The following PEMT variants were observed in gnomAD, a reference collection of about 807,000 sequenced individuals.
PEMT encodes the protein phosphatidylethanolamine N-methyltransferase, also known as phospholipid methyltransferase.
PEMT carries 23 observed loss-of-function variants against 27.4 expected under a neutral mutation model. That is an observed-to-expected ratio of 0.84 (90% confidence interval 0.60 to 1.19). The LOEUF (loss-of-function observed/expected upper bound fraction) is 1.19, where lower values mean the gene tolerates loss of function less well. Among genes scored for constraint, PEMT ranks in the 50% most tolerant of loss-of-function variants. PEMT has a pLI of 0.00. For missense variants in PEMT, 307 were observed against 310.1 expected (o/e 0.99, Z 0.07); for synonymous variants, 137 against 139.1 (o/e 0.98, Z 0.11).
rs768106458 is a variant in PEMT, at chr17:17,505,816, G to A, written c.686C>T (p.Ala229Val). 6.2e-7 allele frequency: 1 copy of A among 1,611,538 alleles called. No individual in the cohort carries two copies. ...PFTAEIYRQK[A>V]SGSHKRS ...TCAGCTCCTCTTGTGGGACCCGGAG[G>A]CTTTCTGCCGGTAGATCTCAGCGGT... is the stretch of plus-strand genomic sequence containing the variant. Residue 229 changes from alanine to valine, a missense_variant, in exon 7 of 7, where the codon GCC becomes GTC. By Grantham distance (64) the Ala-to-Val change is moderately conservative. Coordinates refer to ENST00000255389, the MANE Select transcript of PEMT (RefSeq NM_148172.3).
At chr17:17,535,844 A>AT (rs1277203135) in intron 2 of PEMT, among the ~76,000 whole-genome samples, 1 of 152,206 alleles carries the variant, frequency 6.6e-6, no homozygotes, top group African/African-American at 2.4e-5. Context: ...ATTTTTGAAA[A>AT]TAAAAAGTTA....
At chr17:17,581,810 G>A (rs556437368) in intron 1 of PEMT, among the ~76,000 whole-genome samples, 104 of 152,234 alleles carry the variant, frequency 6.8e-4, no homozygotes, top group South Asian at 3.3e-3. Flanking sequence ...TATGTTGCCC[G>A]GAGAAGCACC....
intron 2 of PEMT, 71 bp downstream of exon 2, chr17:17,576,849 G>A (rs1279836502): frequency 1.1e-5 from 14 of 1,254,610 alleles, no homozygotes; most frequent in Middle Eastern, 1.9e-4. Context: ...CAACCACCGC[G>A]ATCCCCTGCA....
intron 2 of PEMT, among the ~76,000 whole-genome samples, chr17:17,534,096 A>G (rs183124147): frequency 2.8e-4 from 43 of 152,264 alleles, no homozygotes; most frequent in Non-Finnish European, 5.3e-4. Context: ...CACTCCTAGT[A>G]TTTACTTAAG....
In PEMT at chr17:17,513,872, T is replaced by C. The variant is rs1373298074; in HGVS notation, c.321-1218A>G. On this transcript the variant is annotated intron_variant, in intron 3 of 6. Coordinates refer to ENST00000255389, the MANE Select transcript of PEMT (RefSeq NM_148172.3). The surrounding 1 kb of genome is among the most constrained non-coding windows in gnomAD (Gnocchi z 4.1). ...AAATGTGCTCTTCCCATGCTCACAA[T>C]AATCACAACACAGAAGAGACATGGA... Among the ~76,000 whole-genome samples, 2 of 152,078 alleles carry C rather than the reference T, an allele frequency of 1.3e-5. No individual in the cohort carries two copies. The highest frequency in any genetic ancestry group is 2.4e-5 in the African/African-American group (1 of 41,390).
intron 2 of PEMT, among the ~76,000 whole-genome samples, chr17:17,558,691 A>AAC (rs1555543040): frequency 7.9e-6 from 1 of 127,380 alleles, no homozygotes; most frequent in African/African-American, 2.6e-5. Flanking sequence ...CGAAAAAAAA[A>AAC]AAAAAAAACA....
intron 1 of PEMT, chr17:17,577,336 C>T: frequency 2.0e-6 from 1 of 510,662 alleles, no homozygotes. Context: ...TGACCGAGAC[C>T]CTCCTGGATG....
intron 2 of PEMT, among the ~76,000 whole-genome samples, chr17:17,528,020 A>G (rs978482311): frequency 1.2e-4 from 18 of 152,314 alleles, no homozygotes; most frequent in Middle Eastern, 3.4e-3. Flanking sequence ...GGGGGTCTAG[A>G]ATGCCCCAAG....
intron 2 of PEMT, among the ~76,000 whole-genome samples, chr17:17,554,669 G>A (rs1007094315): frequency 2.6e-5 from 4 of 152,244 alleles, no homozygotes; most frequent in African/African-American, 9.6e-5. Flanking sequence ...AGGCTGGAGT[G>A]TAGTGACAGG....
chr17:17,535,845 TA>T (rs1225724694), intron 2 of PEMT, among the ~76,000 whole-genome samples: 2 of 152,112 alleles, frequency 1.3e-5, no homozygotes, highest in Non-Finnish European at 2.9e-5. Context: ...TTTTTGAAAA[TA>T]AAAAGTTAGA....
At position 17,582,943 on chromosome 17, in the gene PEMT, T is replaced by C. The variant is rs549740215; in HGVS notation, c.97-5916A>G. ...TGGACATGGTGGTGCACGACTGTAGTCCCAGCTACTGGGGAGGCTGAGGCA... is the reference window on the plus strand; with the variant it reads ...TGGACATGGTGGTGCACGACTGTAGCCCCAGCTACTGGGGAGGCTGAGGCA... On this transcript the variant is annotated intron_variant, in intron 1 of 6. Coordinates refer to ENST00000255389, the MANE Select transcript of PEMT (RefSeq NM_148172.3). The surrounding 1 kb of genome is among the most constrained non-coding windows in gnomAD (Gnocchi z 4.9). 6.6e-6 allele frequency among the ~76,000 whole-genome samples: 1 copy of C among 151,928 alleles called. No homozygotes were observed. The highest frequency in any genetic ancestry group is 1.9e-4 in the East Asian group (1 of 5,166).
chr17:17,518,349 C>T (rs999766884), intron 3 of PEMT, among the ~76,000 whole-genome samples: 2 of 152,226 alleles, frequency 1.3e-5, no homozygotes, highest in Non-Finnish European at 2.9e-5. Context: ...AGCGGTCCAG[C>T]CAAAGCTGGC....
intron 2 of PEMT, among the ~76,000 whole-genome samples, chr17:17,556,404 C>T (rs1910057872): frequency 6.6e-6 from 1 of 151,378 alleles, no homozygotes; most frequent in Non-Finnish European, 1.5e-5. Context: ...GACGGAGTCT[C>T]GCTCTGTCGC....
rs74372144 is a variant in PEMT at position 17,561,874 on chromosome 17, A to G, written c.204+15046T>C. ...GTGCGGCCTGACCCACAGGAAGTCC[A>G]GTCATAATATTGACACAGGCAGGGC... On this transcript the variant is annotated intron_variant, in intron 2 of 6. Coordinates refer to ENST00000255389, the MANE Select transcript of PEMT (RefSeq NM_148172.3). This position sits in a 1 kb window ranked among gnomAD's most constrained non-coding sequence, Gnocchi z 4.5. 6.1e-3 allele frequency among the ~76,000 whole-genome samples: 923 copies of G among 152,348 alleles called. 12 individuals are homozygous for G. Among genetic ancestry groups the G allele is most frequent in the African/African-American group, 0.021 (885 of 41,594 alleles).
intron 3 of PEMT, among the ~76,000 whole-genome samples, chr17:17,515,291 A>G (rs1906737263): frequency 6.6e-6 from 1 of 152,210 alleles, no homozygotes; most frequent in Admixed American, 6.5e-5. Context: ...TTCAGGGCCC[A>G]GCTTCCCTGG....
chr17:17,528,173 C>T (rs923569267), intron 2 of PEMT, among the ~76,000 whole-genome samples: 1 of 152,224 alleles, frequency 6.6e-6, no homozygotes, highest in Admixed American at 6.5e-5. Flanking sequence ...CACAGAGGGG[C>T]TCATGAGCTC....
At chr17:17,505,903 C>G in intron 6 of PEMT, 55 bp from the exon 7 acceptor site, 2 of 1,559,456 alleles carry the variant, frequency 1.3e-6, no homozygotes, top group Non-Finnish European at 1.7e-6. Flanking sequence ...TGACCCACTG[C>G]CCGCACCAGA....
At chr17:17,583,783 C>T (rs1050668654) in intron 1 of PEMT, among the ~76,000 whole-genome samples, 15 of 152,344 alleles carry the variant, frequency 9.8e-5, no homozygotes, top group African/African-American at 3.6e-4. Context: ...AGGGACCCTC[C>T]TGGGAAGACC....
At chr17:17,507,191 G>C (rs865799623) in intron 5 of PEMT, 1 of 1,559,200 alleles carries the variant, frequency 6.4e-7, no homozygotes, top group African/African-American at 1.4e-5. Context: ...AGCTCCCGCA[G>C]GTGCTGGGCT....
Sources: allele counts gnomAD v4.1 joint callset (sites outside exome capture counted in the v4.1 genomes callset), GRCh38; gene constraint gnomAD v4.1.1; non-coding constraint Gnocchi (gnomAD v3.1); transcripts MANE v1.5; gene names NCBI Gene and HGNC (gene_info 2026-07-23, HGNC 2026-07-21).